WWOX: variants seen among roughly 807,000 people sequenced by gnomAD.
The protein encoded by WWOX is WW domain-containing oxidoreductase.
Under a neutral mutation model 46.2 loss-of-function variants are expected in WWOX, and 69 were observed. That is an observed-to-expected ratio of 1.49 (90% CI 1.23 to 1.82). The LOEUF (loss-of-function observed/expected upper bound fraction) is 1.82. WWOX is among the 40% of genes most tolerant of loss of function. The pLI, the probability that WWOX is intolerant of heterozygous loss-of-function variation, is 0.00. For synonymous variants in WWOX, 359 were observed against 202.6 expected (o/e 1.77, Z -6.56); for missense variants, 919 against 542.6 (o/e 1.69, Z -6.89).
intron 8 of WWOX, among the ~76,000 whole-genome samples, chr16:79,070,024 T>C (rs1430541855): frequency 6.6e-6 from 1 of 152,236 alleles, no homozygotes; most frequent in Admixed American, 6.5e-5. Flanking sequence ...TGAAAAACAA[T>C]TTATTTCCTA....
At chr16:78,175,832 C>T (rs943777243) in intron 5 of WWOX, among the ~76,000 whole-genome samples, 10 of 152,174 alleles carry the variant, frequency 6.6e-5, no homozygotes, top group African/African-American at 2.4e-4. Flanking sequence ...TCACAGGATC[C>T]ATGGCCTCAA....
chr16:78,294,054 G>T (rs932614815), intron 5 of WWOX, among the ~76,000 whole-genome samples: 3 of 146,414 alleles, frequency 2.0e-5, no homozygotes, highest in African/African-American at 7.6e-5. Context: ...GGATCCCTTC[G>T]TGTTTAGCAA....
chr16:78,716,166 C>T (rs1265101656), intron 8 of WWOX, among the ~76,000 whole-genome samples: 1 of 151,904 alleles, frequency 6.6e-6, no homozygotes, highest in Non-Finnish European at 1.5e-5. Flanking sequence ...GAGACAGAGG[C>T]AGAGATAGAG....
At chr16:78,454,831 G>C (rs561211933) in intron 8 of WWOX, among the ~76,000 whole-genome samples, 1 of 152,122 alleles carries the variant, frequency 6.6e-6, no homozygotes, top group East Asian at 1.9e-4. Context: ...ATGTGCCAAT[G>C]ATGACCCAGT....
chr16:78,846,747 T>C (rs1265628867), intron 8 of WWOX, among the ~76,000 whole-genome samples: 5 of 152,206 alleles, frequency 3.3e-5, no homozygotes. Flanking sequence ...GGACTACTTC[T>C]CAAATTTTCA....
chr16:78,651,460 C>A (rs1222958562), intron 8 of WWOX, among the ~76,000 whole-genome samples: 1 of 152,208 alleles, frequency 6.6e-6, no homozygotes, highest in African/African-American at 2.4e-5. Context: ...CCATGCAGGT[C>A]CCTGGAAGTG....
rs146325799 is a variant in WWOX at position 78,444,279 on chromosome 16, A to G, written c.1056+11527A>G. 6.5e-3 allele frequency among the ~76,000 whole-genome samples: 985 copies of G among 152,278 alleles called. 6 individuals carry two copies. Among genetic ancestry groups the G allele is most frequent in the African/African-American group, 0.023 (941 of 41,568 alleles). On this transcript the variant is annotated intron_variant, in intron 8 of 8. Transcript: ENST00000566780. ...TTTAGATAATTGTGTGTCTCTGAGC[A>G]AATCACTTATCCTCTCTGGTCCTCA...
chr16:78,646,403 C>T (rs2046844418), intron 8 of WWOX, among the ~76,000 whole-genome samples: 1 of 152,068 alleles, frequency 6.6e-6, no homozygotes, highest in African/African-American at 2.4e-5. Context: ...TTTCCTTAGC[C>T]TCCTAACACT....
Position 78,241,944 on chromosome 16 carries a change from A to G in WWOX, c.516+77655A>G, listed in dbSNP as rs115865740. Among the ~76,000 whole-genome samples, 285 of 152,318 alleles carry G rather than the reference A, an allele frequency of 1.9e-3. 2 individuals are homozygous for G. Among genetic ancestry groups the G allele is most frequent in the African/African-American group, 6.5e-3 (271 of 41,582 alleles). ...CTTTTGAGGCAGACAAATGCCACTGATAAAGCAAAAGCAAATGTTTTGGGT... is the reference window on the plus strand; with the variant it reads ...CTTTTGAGGCAGACAAATGCCACTGGTAAAGCAAAAGCAAATGTTTTGGGT... On this transcript the variant is annotated intron_variant, in intron 5 of 8. Coordinates refer to ENST00000566780, the MANE Select transcript of WWOX (RefSeq NM_016373.4).
chr16:78,199,421 A>G (rs2036161810), intron 5 of WWOX, among the ~76,000 whole-genome samples: 1 of 152,212 alleles, frequency 6.6e-6, no homozygotes, highest in African/African-American at 2.4e-5. Flanking sequence ...AAATATGTTC[A>G]TCACTAGGGC....
chr16:78,277,762 ATTCC>A (rs2079606617), intron 5 of WWOX, among the ~76,000 whole-genome samples: 1 of 151,840 alleles, frequency 6.6e-6, no homozygotes, highest in Non-Finnish European at 1.5e-5. Flanking sequence ...AGTTTAACAG[ATTCC>A]CCCCGGGTGT....
At chr16:78,329,206 T>A (rs2080703335) in intron 5 of WWOX, among the ~76,000 whole-genome samples, 2 of 152,158 alleles carry the variant, frequency 1.3e-5, no homozygotes, top group African/African-American at 4.8e-5. Context: ...AAAGTGAAAT[T>A]GCAACCCCAT....
intron 8 of WWOX, among the ~76,000 whole-genome samples, chr16:78,914,365 A>G (rs1464179209): frequency 1.3e-5 from 2 of 152,064 alleles, no homozygotes; most frequent in African/African-American, 4.8e-5. Context: ...GGCATATAGG[A>G]TGAGCTTCAG....
At chr16:78,533,824 C>G (rs1402903505) in intron 8 of WWOX, among the ~76,000 whole-genome samples, 1 of 152,190 alleles carries the variant, frequency 6.6e-6, no homozygotes, top group Non-Finnish European at 1.5e-5. Context: ...CTCGTCCTCG[C>G]CCTCAGCATA....
At chr16:78,917,884 T>A (rs948053748) in intron 8 of WWOX, among the ~76,000 whole-genome samples, 3 of 152,158 alleles carry the variant, frequency 2.0e-5, no homozygotes, top group Non-Finnish European at 2.9e-5. Flanking sequence ...GATCTTGTTT[T>A]TTAAAACAAA....
chr16:78,904,044 C>T (rs752018322), intron 8 of WWOX, among the ~76,000 whole-genome samples: 2 of 152,060 alleles, frequency 1.3e-5, no homozygotes, highest in Non-Finnish European at 2.9e-5. Flanking sequence ...CTGTTATTAA[C>T]GTGTCTGAAA....
At chr16:78,475,121 C>T (rs959222939) in intron 8 of WWOX, among the ~76,000 whole-genome samples, 1 of 152,158 alleles carries the variant, frequency 6.6e-6, no homozygotes, top group Non-Finnish European at 1.5e-5. Flanking sequence ...TTCTTAAACT[C>T]TCCCTCAATA....
At chr16:78,464,393 G>C (rs1315628871) in intron 8 of WWOX, among the ~76,000 whole-genome samples, 1 of 152,036 alleles carries the variant, frequency 6.6e-6, no homozygotes, top group Non-Finnish European at 1.5e-5. Context: ...GAGGCAGGGA[G>C]ATAATGGAGA....
intron 4 of WWOX, among the ~76,000 whole-genome samples, chr16:78,116,887 G>A (rs543504875): frequency 6.6e-6 from 1 of 152,190 alleles, no homozygotes; most frequent in South Asian, 2.1e-4. Context: ...TGTGTTAAGT[G>A]TTCGAACTGC....
Sources: allele counts gnomAD v4.1 joint callset (sites outside exome capture counted in the v4.1 genomes callset), GRCh38; gene constraint gnomAD v4.1.1; transcripts MANE v1.5; gene names NCBI Gene and HGNC (gene_info 2026-07-23, HGNC 2026-07-21).